DSCAM: variants seen among roughly 807,000 people sequenced by gnomAD.
DSCAM encodes the protein cell adhesion molecule DSCAM.
In DSCAM, 47 loss-of-function variants were observed where a neutral mutation model predicts 217.7. The observed-to-expected ratio is 0.22, with a 90% confidence interval of 0.17 to 0.28. The LOEUF (loss-of-function observed/expected upper bound fraction) is 0.28. Among genes scored for constraint, DSCAM ranks in the 10% least tolerant of loss-of-function variants. The probability of loss-of-function intolerance (pLI) is 1.00; values close to 1 mark genes in which losing one functional copy is unlikely to be tolerated. For missense variants in DSCAM, 2,080 were observed against 2,618.3 expected (o/e 0.79, Z 4.49); for synonymous variants, 1,056 against 1,015.3 (o/e 1.04, Z -0.76).
chr21:40,111,285 T>C (rs987874938), intron 20 of DSCAM, among the ~76,000 whole-genome samples: 32 of 152,144 alleles, frequency 2.1e-4, no homozygotes, highest in East Asian at 3.9e-4. Context: ...AAAAGAATTT[T>C]CAACCCAGAA....
chr21:40,217,404 G>A (rs1041357978), intron 11 of DSCAM, among the ~76,000 whole-genome samples: 3 of 151,982 alleles, frequency 2.0e-5, no homozygotes, highest in Non-Finnish European at 2.9e-5. Context: ...CTTTTCAAAC[G>A]TCCTGCTTTT....
intron 11 of DSCAM, among the ~76,000 whole-genome samples, chr21:40,211,002 C>A (rs1326090812): frequency 1.3e-5 from 2 of 152,198 alleles, no homozygotes; most frequent in Non-Finnish European, 2.9e-5. Context: ...TTCCTTATTC[C>A]TATCTGTCTG....
intron 3 of DSCAM, among the ~76,000 whole-genome samples, chr21:40,376,490 GATATCTATATATCTT>G (rs1352951389): frequency 1.6e-4 from 17 of 103,078 alleles, no homozygotes; most frequent in African/African-American, 5.9e-4. Flanking sequence ...ATCTTATATA[GATATCTATATATCTT>G]ATATCGATAT....
intron 3 of DSCAM, among the ~76,000 whole-genome samples, chr21:40,568,203 T>G (rs2076779944): frequency 6.6e-6 from 1 of 152,192 alleles, no homozygotes; most frequent in Non-Finnish European, 1.5e-5. Flanking sequence ...TTATCTAAAT[T>G]TTATACCATT....
At chr21:40,587,011 T>C (rs746682838) in intron 3 of DSCAM, among the ~76,000 whole-genome samples, 4 of 152,112 alleles carry the variant, frequency 2.6e-5, no homozygotes, top group African/African-American at 4.8e-5. Context: ...AGGAGTACAT[T>C]AGAGGACACA....
chr21:40,550,762 G>C (rs1415704403), intron 3 of DSCAM, among the ~76,000 whole-genome samples: 2 of 152,180 alleles, frequency 1.3e-5, no homozygotes, highest in Non-Finnish European at 2.9e-5. Context: ...ACCATAATAT[G>C]TTCAGAGTAA....
intron 23 of DSCAM, among the ~76,000 whole-genome samples, chr21:40,084,281 CTGAGT>C (rs1247543028): frequency 1.3e-5 from 2 of 152,096 alleles, no homozygotes; most frequent in African/African-American, 2.4e-5. Flanking sequence ...CCTTGACTGT[CTGAGT>C]TATTTATCAC....
intron 1 of DSCAM, among the ~76,000 whole-genome samples, chr21:40,723,359 C>T (rs1290765633): frequency 6.6e-6 from 1 of 152,152 alleles, no homozygotes; most frequent in Non-Finnish European, 1.5e-5. Flanking sequence ...AACTCCTACT[C>T]ATTCATTGAA....
At chr21:40,610,501 A>T (rs1424114877) in intron 3 of DSCAM, among the ~76,000 whole-genome samples, 1 of 152,144 alleles carries the variant, frequency 6.6e-6, no homozygotes, top group Non-Finnish European at 1.5e-5. Flanking sequence ...TCCGGTGGGA[A>T]CATATGTGCT....
chr21:40,456,169 T>C (rs1005781319), intron 3 of DSCAM, among the ~76,000 whole-genome samples: 7 of 151,918 alleles, frequency 4.6e-5, no homozygotes, highest in Non-Finnish European at 1.0e-4. Flanking sequence ...CAAGAAGGCT[T>C]GAATATGCAG....
chr21:40,056,544 T>TA (rs5843996), intron 28 of DSCAM, among the ~76,000 whole-genome samples: 35 of 150,028 alleles, frequency 2.3e-4, no homozygotes, highest in South Asian at 2.1e-4. Flanking sequence ...AGCCTGCAGT[T>TA]AAAAAAAAAA....
At chr21:40,390,464 T>C (rs1305886581) in intron 3 of DSCAM, among the ~76,000 whole-genome samples, 4 of 152,220 alleles carry the variant, frequency 2.6e-5, no homozygotes, top group Non-Finnish European at 5.9e-5. Context: ...CGTGCTGTGC[T>C]CTTGGCTTCA....
intron 3 of DSCAM, among the ~76,000 whole-genome samples, chr21:40,497,689 A>T (rs965490329): frequency 1.3e-5 from 2 of 152,242 alleles, no homozygotes; most frequent in African/African-American, 4.8e-5. Flanking sequence ...CCATTCCCCA[A>T]TGTATACATA....
Position 40,144,554 on chromosome 21 carries a change from C to T in DSCAM, c.3196G>A (p.Ala1066Thr). 1 of 1,614,220 alleles carries T rather than the reference C, an allele frequency of 6.2e-7. No individual in the cohort carries two copies. Among genetic ancestry groups the T allele is most frequent in the Non-Finnish European group, 8.5e-7 (1 of 1,180,048 alleles). The change falls in exon 17 of 33, where the codon GCC (alanine) becomes ACC (threonine). Residue 1066 changes from alanine (A) to threonine (T), a missense_variant. Coordinates refer to ENST00000400454, the MANE Select transcript of DSCAM (RefSeq NM_001389.5). This position sits in a 1 kb window ranked among gnomAD's most constrained non-coding sequence, Gnocchi z 4.8. ...KFTQYGLVVQACNRAGTGPSS... is the reference protein window; with the variant it reads ...KFTQYGLVVQTCNRAGTGPSS... The stretch of plus-strand genomic sequence containing the variant: ...GGCCCCGTGCCGGCCCGGTTACAGG[C>T]CTGCACCACCAGGCCGTACTGAGTG...
chr21:40,502,453 C>A (rs1440939769), intron 3 of DSCAM, among the ~76,000 whole-genome samples: 1 of 152,080 alleles, frequency 6.6e-6, no homozygotes, highest in Non-Finnish European at 1.5e-5. Context: ...GGCCATAAAT[C>A]CAAAATGGGT....
intron 3 of DSCAM, among the ~76,000 whole-genome samples, chr21:40,540,320 T>C (rs1005965254): frequency 6.6e-6 from 1 of 152,188 alleles, no homozygotes; most frequent in Admixed American, 6.5e-5. Flanking sequence ...GAAGCCTCCA[T>C]TGATTTCCCA....
At chr21:40,266,420 A>T (rs912024701) in intron 11 of DSCAM, among the ~76,000 whole-genome samples, 4 of 152,002 alleles carry the variant, frequency 2.6e-5, no homozygotes, top group African/African-American at 9.7e-5. Flanking sequence ...AATTAGCACA[A>T]TCTCTACAGA....
chr21:40,219,043 C>T (rs1224832262), intron 11 of DSCAM, among the ~76,000 whole-genome samples: 2 of 152,160 alleles, frequency 1.3e-5, no homozygotes, highest in African/African-American at 2.4e-5. Context: ...AGGGCATCCT[C>T]GTCTTGTGCC....
At chr21:40,842,059 T>G (rs2092106183) in intron 1 of DSCAM, among the ~76,000 whole-genome samples, 1 of 152,052 alleles carries the variant, frequency 6.6e-6, no homozygotes, top group South Asian at 2.1e-4. Context: ...CATGGAGCAG[T>G]CCTCCCTCGG....
Sources: gnomAD v4.1 joint callset for allele counts (sites outside exome capture counted in the v4.1 genomes callset) on GRCh38, gnomAD v4.1.1 for gene constraint, Gnocchi (gnomAD v3.1) non-coding constraint, MANE v1.5 for transcripts, NCBI Gene and HGNC (gene_info 2026-07-23, HGNC 2026-07-21) for gene names.